The following CHST11 variants were observed in gnomAD, a reference collection of about 807,000 sequenced individuals.
The protein encoded by CHST11 is carbohydrate sulfotransferase 11, also known as C4S-1.
A neutral mutation model predicts 30.4 loss-of-function variants in CHST11; 9 were observed. The ratio of observed to expected loss-of-function variants is 0.30; its 90% CI spans 0.18 to 0.52. The LOEUF (loss-of-function observed/expected upper bound fraction) is 0.52. Ranked by LOEUF, CHST11 falls within the 20% of genes least tolerant of loss-of-function variation. The pLI, the probability that CHST11 is intolerant of heterozygous loss-of-function variation, is 0.97. For synonymous variants in CHST11, 152 were observed against 187.8 expected (o/e 0.81, Z 1.56); for missense variants, 348 against 460.6 (o/e 0.76, Z 2.24).
At chr12:104,748,619 G>C (rs2040406866) in intron 2 of CHST11, among the ~76,000 whole-genome samples, 1 of 152,064 alleles carries the variant, frequency 6.6e-6, no homozygotes, top group African/African-American at 2.4e-5. Flanking sequence ...CGTGTGAGAA[G>C]GCAGCAAGCA....
chr12:104,579,732 C>G (rs936893727), intron 1 of CHST11, among the ~76,000 whole-genome samples: 1 of 152,222 alleles, frequency 6.6e-6, no homozygotes, highest in African/African-American at 2.4e-5. Flanking sequence ...TGCTTTAAAT[C>G]TGTTGCCCGC....
chr12:104,471,076 C>T (rs2037504266), intron 1 of CHST11, among the ~76,000 whole-genome samples: 1 of 152,118 alleles, frequency 6.6e-6, no homozygotes, highest in Non-Finnish European at 1.5e-5. Flanking sequence ...GACCTTGGGT[C>T]GAAGTCTAGT....
intron 2 of CHST11, among the ~76,000 whole-genome samples, chr12:104,696,518 C>T (rs1057052039): frequency 2.2e-5 from 3 of 137,546 alleles, no homozygotes; most frequent in Non-Finnish European, 3.1e-5. Context: ...CATAGCTGGG[C>T]GTGGTGGTGC....
chr12:104,481,767 GTTTCCTTCCTTC>G (rs775098997), intron 1 of CHST11, among the ~76,000 whole-genome samples: 3 of 143,726 alleles, frequency 2.1e-5, no homozygotes, highest in African/African-American at 7.6e-5. Context: ...AAATAGGACT[GTTTCCTTCCTTC>G]TTTCCTTCCT....
intron 2 of CHST11, among the ~76,000 whole-genome samples, chr12:104,726,136 T>G (rs2040214809): frequency 6.6e-6 from 1 of 152,180 alleles, no homozygotes; most frequent in Non-Finnish European, 1.5e-5. Flanking sequence ...AAAGAAATAT[T>G]GCATATTTCA....
intron 2 of CHST11, among the ~76,000 whole-genome samples, chr12:104,713,697 C>A (rs139363592): frequency 3.3e-4 from 50 of 152,240 alleles, no homozygotes; most frequent in African/African-American, 1.1e-3. Context: ...AGGCCAGGTC[C>A]ACACCGGGCT....
At chr12:104,468,666 T>G (rs902632165) in intron 1 of CHST11, among the ~76,000 whole-genome samples, 6 of 152,176 alleles carry the variant, frequency 3.9e-5, no homozygotes, top group Non-Finnish European at 7.4e-5. Context: ...GAGAAACAGC[T>G]CAAAACTCTA....
intron 2 of CHST11, among the ~76,000 whole-genome samples, chr12:104,604,640 T>G (rs141360048): frequency 6.6e-6 from 1 of 152,310 alleles, no homozygotes; most frequent in East Asian, 1.9e-4. Context: ...TTTCTTGTAT[T>G]TCCCTACCAG....
At chr12:104,609,772 G>A (rs373707063) in intron 2 of CHST11, among the ~76,000 whole-genome samples, 2 of 152,302 alleles carry the variant, frequency 1.3e-5, no homozygotes, top group African/African-American at 4.8e-5. Context: ...TTAATCAGTA[G>A]CCATTCATTT....
chr12:104,650,096 G>A (rs1020237480), intron 2 of CHST11, among the ~76,000 whole-genome samples: 7 of 152,302 alleles, frequency 4.6e-5, no homozygotes, highest in Non-Finnish European at 1.0e-4. Context: ...GCAACAGAAT[G>A]ACATTACTTT....
rs111573363 is a variant in CHST11 at position 104,590,013 on chromosome 12, T to TTAAATAAATAAATAAA, written c.119-11883_119-11868dup. On this transcript the variant is annotated intron_variant, in intron 1 of 2. Transcript: ENST00000303694. ...AACAAAGCGAGACTCTGTCTCAAAA[T>TTAAATAAATAAATAAA]TAAATAAATAAATAAATAAATAAAT... Among the ~76,000 whole-genome samples the TTAAATAAATAAATAAA allele has an allele frequency of 2.0e-3, 297 of 151,254 alleles. 3 individuals carry two copies. The highest frequency in any genetic ancestry group is 6.8e-3 in the African/African-American group (281 of 41,104).
chr12:104,577,668 C>T (rs2038698907), intron 1 of CHST11, among the ~76,000 whole-genome samples: 1 of 152,134 alleles, frequency 6.6e-6, no homozygotes, highest in Non-Finnish European at 1.5e-5. Context: ...CCCTGCTTTC[C>T]TAGGCTCCCA....
chr12:104,658,805 T>C (rs2039570012), intron 2 of CHST11, among the ~76,000 whole-genome samples: 1 of 152,236 alleles, frequency 6.6e-6, no homozygotes, highest in African/African-American at 2.4e-5. Flanking sequence ...ATTTTATTTT[T>C]ATTAACTCAT....
chr12:104,533,415 A>AT (rs1195046791), intron 1 of CHST11, among the ~76,000 whole-genome samples: 11 of 152,304 alleles, frequency 7.2e-5, no homozygotes, highest in African/African-American at 2.4e-4. Flanking sequence ...AAACACTGGC[A>AT]TTTTGTGAAG....
At chr12:104,550,065 C>G (rs1054031644) in intron 1 of CHST11, among the ~76,000 whole-genome samples, 7 of 152,200 alleles carry the variant, frequency 4.6e-5, no homozygotes, top group African/African-American at 7.2e-5. Flanking sequence ...CGATACCTAC[C>G]TGACCTCTTT....
At chr12:104,714,124 G>A (rs2040110205) in intron 2 of CHST11, among the ~76,000 whole-genome samples, 1 of 152,210 alleles carries the variant, frequency 6.6e-6, no homozygotes, top group African/African-American at 2.4e-5. Flanking sequence ...GCACATGGAT[G>A]TTTATATATG....
intron 2 of CHST11, among the ~76,000 whole-genome samples, chr12:104,692,477 A>G (rs903451195): frequency 1.3e-5 from 2 of 152,240 alleles, no homozygotes; most frequent in African/African-American, 4.8e-5. Context: ...TCTGAGGGAA[A>G]CTGTTGTTAT....
chr12:104,498,736 G>A (rs960192607), intron 1 of CHST11, among the ~76,000 whole-genome samples: 2 of 152,200 alleles, frequency 1.3e-5, no homozygotes, highest in Admixed American at 6.5e-5. Flanking sequence ...CTGCTCAAGC[G>A]GATGTGGGGT....
chr12:104,592,328 C>T (rs962770427), intron 1 of CHST11, among the ~76,000 whole-genome samples: 1 of 152,176 alleles, frequency 6.6e-6, no homozygotes, highest in African/African-American at 2.4e-5. Flanking sequence ...ATTTATTCCT[C>T]ACAGTTCTGG....
Sources: allele counts gnomAD v4.1 joint callset (sites outside exome capture counted in the v4.1 genomes callset), GRCh38; gene constraint gnomAD v4.1.1; transcripts MANE v1.5; gene names NCBI Gene and HGNC (gene_info 2026-07-23, HGNC 2026-07-21).